SH3D21: variants seen among roughly 807,000 people sequenced by gnomAD.
SH3D21 encodes the protein SH3 domain-containing protein 21.
In SH3D21, 83 loss-of-function variants were observed where a neutral mutation model predicts 82.1. The observed-to-expected ratio is 1.01, with a 90% confidence interval of 0.85 to 1.21. The LOEUF is 1.21. Among genes scored for constraint, SH3D21 ranks in the 50% most tolerant of loss-of-function variants. The pLI, the probability that SH3D21 is intolerant of heterozygous loss-of-function variation, is 0.00. For synonymous variants in SH3D21, 383 were observed against 387.8 expected, an observed-to-expected ratio of 0.99 and a Z score of 0.15; for missense variants, 980 against 962.1, an observed-to-expected ratio of 1.02 and a Z score of -0.25.
At chr1:36,322,844 T>A, downstream of SH3D21, 1 of 1,493,034 alleles carries the variant, frequency 6.7e-7, no homozygotes, top group Admixed American at 1.8e-5. Context: ...TCGAAGGGCA[T>A]TAGGGAACCG....
downstream of SH3D21, chr1:36,322,593 T>C: frequency 6.5e-7 from 1 of 1,548,062 alleles, no homozygotes. Context: ...GCTGCGGGGG[T>C]CCCGGCGCTG....
At chr1:36,321,487 A>G, downstream of SH3D21, 1 of 884,486 alleles carries the variant, frequency 1.1e-6, no homozygotes. The surrounding 1 kb of genome is among the most constrained non-coding windows in gnomAD (Gnocchi z 6.1). Flanking sequence ...CGCCCGGCCT[A>G]GATTCCGGAA....
rs1646123454 is a variant in SH3D21 at position 36,306,539 on chromosome 1, G to C, written c.5-59G>C. The C allele has an allele frequency of 4.6e-6, 6 of 1,302,914 alleles. 1 individual carries two copies. In the Admixed American group the frequency reaches 1.4e-4, roughly 30 times the overall value. The allele number at this position is 1,302,914 out of a possible 1,614,324, so 80.7% of individuals were successfully genotyped here. ...GGTGCTTGGGGACACGCCCGCCCTA[G>C]CCAGGCTGCCCGGCTGGGCCTTTCT... On this transcript the variant is annotated intron_variant, in intron 1 of 15. Coordinates refer to ENST00000453908, the MANE Select transcript of SH3D21 (RefSeq NM_001162530.2). This position sits in a 1 kb window ranked among gnomAD's most constrained non-coding sequence, Gnocchi z 4.5.
chr1:36,306,479 G>A lies in SH3D21; in HGVS notation c.4+55G>A. 1.5e-6 allele frequency: 2 copies of A among 1,305,216 alleles called. No homozygotes were observed. The highest frequency in any genetic ancestry group is 1.2e-5 in the South Asian group (1 of 81,018). The allele number at this position is 1,305,216 out of a possible 1,614,324, so 80.9% of individuals were successfully genotyped here. On this transcript the variant is annotated intron_variant, in intron 1 of 15. Transcript: ENST00000453908. The surrounding 1 kb of genome is among the most constrained non-coding windows in gnomAD (Gnocchi z 4.5). Reference sequence around the variant, plus strand: ...CTCTGCAACCGTGGACATAGCAAGAGCCCACACCACCCCCCGACCCCCGCT... The same window carrying A: ...CTCTGCAACCGTGGACATAGCAAGAACCCACACCACCCCCCGACCCCCGCT...
At chr1:36,327,631 C>T (rs1187554827), downstream of SH3D21, 5 of 1,185,398 alleles carry the variant, frequency 4.2e-6, no homozygotes, top group Non-Finnish European at 2.1e-6. Context: ...ATGACTCAGC[C>T]CTAGTGGAGC....
At chr1:36,327,922 G>A (rs549749400), downstream of SH3D21, 67 of 1,261,428 alleles carry the variant, frequency 5.3e-5, 1 homozygote, top group Middle Eastern at 4.3e-4. Context: ...CAGCCTGTCC[G>A]TGGGTCAGCC....
downstream of SH3D21, chr1:36,327,868 AC>A: frequency 7.8e-7 from 1 of 1,288,748 alleles, no homozygotes; most frequent in Non-Finnish European, 1.0e-6. Flanking sequence ...TGCCCTCCCC[AC>A]CCCCTGCCTA....
At chr1:36,318,051 G>A (rs1570397416) in intron 10 of SH3D21, among the ~76,000 whole-genome samples, 1 of 152,346 alleles carries the variant, frequency 6.6e-6, no homozygotes, top group African/African-American at 2.4e-5. Context: ...TCCAGGTGAA[G>A]GTGGTGGTGA....
chr1:36,329,704 GA>G (rs891837215), downstream of SH3D21, among the ~76,000 whole-genome samples: 25 of 149,042 alleles, frequency 1.7e-4, no homozygotes, highest in Admixed American at 3.3e-4. Flanking sequence ...TGAACACAAT[GA>G]AAAAAAAAAT....
At chr1:36,322,623 G>A (rs1268513604), downstream of SH3D21, 103 of 1,546,034 alleles carry the variant, frequency 6.7e-5, no homozygotes, top group Non-Finnish European at 8.7e-5. Context: ...CCGGGGCCGC[G>A]GGCGGGGCGC....
chr1:36,329,463 A>T (rs1646573309), downstream of SH3D21, among the ~76,000 whole-genome samples: 1 of 152,188 alleles, frequency 6.6e-6, no homozygotes, highest in South Asian at 2.1e-4. Context: ...TGGTAATGAA[A>T]AACAAGCCTT....
At chr1:36,312,899 A>G (rs1302947028) in intron 10 of SH3D21, among the ~76,000 whole-genome samples, 1 of 152,028 alleles carries the variant, frequency 6.6e-6, no homozygotes, top group Non-Finnish European at 1.5e-5. Context: ...TTTTTAGTAG[A>G]GACAGGGTTT....
At chr1:36,319,372 C>T (rs375971694) in intron 12 of SH3D21, 60 bp downstream of exon 12, 53 of 1,550,098 alleles carry the variant, frequency 3.4e-5, no homozygotes, top group South Asian at 7.1e-5. Context: ...GGTGGCTGTG[C>T]GGAGGGACAG....
Position 36,319,955 on chromosome 1 carries a change from A to C in SH3D21, c.1292A>C (p.Asn431Thr), listed in dbSNP as rs1375651391. The C allele has an allele frequency of 1.1e-5, 17 of 1,613,696 alleles. No individual in the cohort carries two copies. Among genetic ancestry groups the C allele is most frequent in the African/African-American group, 2.7e-5 (2 of 74,748 alleles). The change falls in exon 14 of 16, where the codon AAC becomes ACC. Residue 431 changes from asparagine to threonine, a missense_variant. Asn to Thr is a moderately conservative substitution (Grantham distance 65). Transcript: ENST00000453908. ...GAGGACAAGGCTTCTATCCCAGAGA[A>C]CTCCATCATCCCAGAGGAGACCCTG... ...TPEDKASIPENSIIPEETLTV... is the reference protein window; with the variant it reads ...TPEDKASIPETSIIPEETLTV...
rs1015655775 is a variant in SH3D21, at chr1:36,307,772, C to G, written c.439C>G (p.Leu147Val). 1 of 1,551,768 alleles carries G rather than the reference C, an allele frequency of 6.4e-7. No homozygotes were observed. Among genetic ancestry groups the G allele is most frequent in the South Asian group, 1.2e-5 (1 of 84,026 alleles). ...CTAACCTCACTGTCCCCCACTAGGC[C>G]TTGGTAACCCAGACATGCCTTCAGT... Reference protein sequence around the residue: ...VELLDSGPPSLGNPDMPSVSP... With the variant: ...VELLDSGPPSVGNPDMPSVSP... The change falls in exon 6 of 16, where the codon CTT (leucine) becomes GTT (valine). Residue 147 changes from leucine (L) to valine (V), a missense_variant and splice_region_variant. Coordinates refer to ENST00000453908, the MANE Select transcript of SH3D21 (RefSeq NM_001162530.2). This position sits in a 1 kb window ranked among gnomAD's most constrained non-coding sequence, Gnocchi z 5.4.
At chr1:36,317,970 G>T (rs1646372705) in intron 10 of SH3D21, among the ~76,000 whole-genome samples, 1 of 152,198 alleles carries the variant, frequency 6.6e-6, no homozygotes, top group Non-Finnish European at 1.5e-5. Context: ...GTTCAGTCTG[G>T]CTGCTGTGGG....
downstream of SH3D21, chr1:36,323,175 G>C: frequency 2.1e-6 from 2 of 932,414 alleles, no homozygotes; most frequent in South Asian, 3.5e-5. Context: ...CCACCCTGGA[G>C]AGAGCGCTTC....
chr1:36,321,538 C>A, downstream of SH3D21: 1 of 727,584 alleles, frequency 1.4e-6, no homozygotes, highest in Non-Finnish European at 1.8e-6. The surrounding 1 kb of genome is among the most constrained non-coding windows in gnomAD (Gnocchi z 6.1). Flanking sequence ...GGCCTTCTCG[C>A]CAGCTCGGAC....
In SH3D21 at chr1:36,321,033, G is replaced by A. The variant is rs745879398; in HGVS notation, c.2200-23G>A. 2.1e-5 allele frequency: 34 copies of A among 1,604,930 alleles called. No individual in the cohort carries two copies. The East Asian group carries it at 7.4e-4, about 35-fold the overall frequency. Reference sequence around the variant, plus strand: ...TGACGGCGAGTGGCCCCCTGACAAAGTCTCCACCTCACTCCCGACCAGGTC... The same window carrying A: ...TGACGGCGAGTGGCCCCCTGACAAAATCTCCACCTCACTCCCGACCAGGTC... On this transcript the variant is annotated intron_variant, in intron 15 of 15. Coordinates refer to ENST00000453908, the MANE Select transcript of SH3D21 (RefSeq NM_001162530.2). The surrounding 1 kb of genome is among the most constrained non-coding windows in gnomAD (Gnocchi z 6.1).
Sources: allele counts gnomAD v4.1 joint callset (sites outside exome capture counted in the v4.1 genomes callset), GRCh38; gene constraint gnomAD v4.1.1; non-coding constraint Gnocchi (gnomAD v3.1); transcripts MANE v1.5; gene names NCBI Gene and HGNC (gene_info 2026-07-23, HGNC 2026-07-21).